The following IGF1R variants were observed in gnomAD, a reference collection of about 807,000 sequenced individuals.
The protein encoded by IGF1R is insulin-like growth factor 1 receptor.
In IGF1R, 44 loss-of-function variants were observed where a neutral mutation model predicts 144.6. The ratio of observed to expected loss-of-function variants is 0.30; its 90% confidence interval spans 0.24 to 0.39. IGF1R has a LOEUF of 0.39. Ranked by LOEUF, IGF1R falls within the 10% of genes least tolerant of loss-of-function variation. The probability of loss-of-function intolerance (pLI) is 1.00; values close to 1 mark genes in which losing one functional copy is unlikely to be tolerated. For synonymous variants in IGF1R, 795 were observed against 722.8 expected, an observed-to-expected ratio of 1.10 and a Z score of -1.60; for missense variants, 1,355 against 1,833.7, an observed-to-expected ratio of 0.74 and a Z score of 4.77.
intron 2 of IGF1R, among the ~76,000 whole-genome samples, chr15:98,862,396 C>G (rs934821539): frequency 2.0e-5 from 3 of 152,178 alleles, no homozygotes; most frequent in African/African-American, 7.2e-5. Context: ...TTGCACCTCG[C>G]TGGAAGACAA....
intron 2 of IGF1R, among the ~76,000 whole-genome samples, chr15:98,786,188 G>A (rs2055990751): frequency 6.6e-6 from 1 of 152,170 alleles, no homozygotes. Flanking sequence ...TGACCTCAGT[G>A]CAGGTTTTGT....
chr15:98,697,427 T>G (rs2053619793), intron 1 of IGF1R, among the ~76,000 whole-genome samples: 1 of 152,156 alleles, frequency 6.6e-6, no homozygotes, highest in Non-Finnish European at 1.5e-5. Flanking sequence ...CCCATTTCCC[T>G]GGGGAGTCAG....
chr15:98,897,377 T>A (rs1408178071), intron 4 of IGF1R: 1 of 181,596 alleles, frequency 5.5e-6, no homozygotes, highest in Non-Finnish European at 1.2e-5. Flanking sequence ...AATGCTAGAT[T>A]TCCAAATTTA....
At chr15:98,873,115 T>G (rs1482271622) in intron 2 of IGF1R, among the ~76,000 whole-genome samples, 2 of 152,168 alleles carry the variant, frequency 1.3e-5, no homozygotes, top group African/African-American at 4.8e-5. Flanking sequence ...AAGGTAAAGC[T>G]GCTCCAGTGG....
At chr15:98,669,919 T>C (rs1338451448) in intron 1 of IGF1R, among the ~76,000 whole-genome samples, 4 of 152,124 alleles carry the variant, frequency 2.6e-5, no homozygotes, top group Non-Finnish European at 4.4e-5. Context: ...TGGATTCGGC[T>C]ACAGTGGGCG....
chr15:98,680,288 A>T (rs1453871605), intron 1 of IGF1R, among the ~76,000 whole-genome samples: 3 of 149,578 alleles, frequency 2.0e-5, no homozygotes, highest in East Asian at 2.0e-4. Flanking sequence ...TTTTTTTGAG[A>T]CAGAGTCTCG....
intron 2 of IGF1R, among the ~76,000 whole-genome samples, chr15:98,828,818 T>C (rs777706630): frequency 5.8e-4 from 88 of 151,940 alleles, no homozygotes; most frequent in Non-Finnish European, 1.1e-3. Context: ...TTTGGGTTTT[T>C]TAAGCCTAGG....
chr15:98,650,838 G>A (rs1184104174), intron 1 of IGF1R: 1 of 900,544 alleles, frequency 1.1e-6, no homozygotes, highest in Non-Finnish European at 1.3e-6. Context: ...CTCCACATTC[G>A]CTGTCTTTTG....
At chr15:98,745,148 T>G (rs2054833154) in intron 2 of IGF1R, among the ~76,000 whole-genome samples, 1 of 152,260 alleles carries the variant, frequency 6.6e-6, no homozygotes, top group Non-Finnish European at 1.5e-5. Context: ...GAGAAGGAAG[T>G]CATGCTTCTC....
At chr15:98,795,707 C>G (rs115689130) in intron 2 of IGF1R, among the ~76,000 whole-genome samples, 1 of 152,182 alleles carries the variant, frequency 6.6e-6, no homozygotes, top group South Asian at 2.1e-4. Flanking sequence ...TGAGCCACTG[C>G]GCCTATTATG....
At chr15:98,665,243 G>T (rs569691382) in intron 1 of IGF1R, among the ~76,000 whole-genome samples, 2 of 152,116 alleles carry the variant, frequency 1.3e-5, no homozygotes, top group South Asian at 4.1e-4. Context: ...GAGCCACCGC[G>T]CCCGGCAGGA....
At chr15:98,821,846 G>A (rs1165081629) in intron 2 of IGF1R, among the ~76,000 whole-genome samples, 1 of 143,400 alleles carries the variant, frequency 7.0e-6, no homozygotes, top group Non-Finnish European at 1.6e-5. Flanking sequence ...GACGTGGAGA[G>A]ACACACGGGT....
At chr15:98,838,914 T>G (rs1305598443) in intron 2 of IGF1R, among the ~76,000 whole-genome samples, 4 of 152,212 alleles carry the variant, frequency 2.6e-5, no homozygotes, top group Admixed American at 2.6e-4. Flanking sequence ...GGGATCCTGC[T>G]TTTGCTGGGA....
chr15:98,721,517 A>G (rs1396013317), intron 2 of IGF1R, among the ~76,000 whole-genome samples: 2 of 152,090 alleles, frequency 1.3e-5, no homozygotes, highest in South Asian at 2.1e-4. Flanking sequence ...GAGGAAGGGA[A>G]GGAGGAGGAG....
intron 2 of IGF1R, among the ~76,000 whole-genome samples, chr15:98,782,370 C>A (rs1187534748): frequency 6.6e-6 from 1 of 151,924 alleles, no homozygotes; most frequent in Admixed American, 6.6e-5. Context: ...GTTTTTTTTA[C>A]AATGAAAATA....
chr15:98,911,874 G>GTC (rs942161239), intron 7 of IGF1R, among the ~76,000 whole-genome samples: 14 of 152,172 alleles, frequency 9.2e-5, no homozygotes, highest in African/African-American at 2.6e-4. Flanking sequence ...TCTTATTCCT[G>GTC]TCTCTCTCTC....
intron 2 of IGF1R, among the ~76,000 whole-genome samples, chr15:98,808,617 A>G (rs980722871): frequency 1.3e-5 from 2 of 152,000 alleles, no homozygotes; most frequent in Admixed American, 1.3e-4. Flanking sequence ...TGAGGTGCCT[A>G]TAGTCGTGTG....
At chr15:98,884,840 T>C (rs1255445066) in intron 2 of IGF1R, among the ~76,000 whole-genome samples, 5 of 152,130 alleles carry the variant, frequency 3.3e-5, no homozygotes, top group Non-Finnish European at 7.3e-5. Flanking sequence ...CTGCTTAAAA[T>C]AGTATTTTTC....
chr15:98,662,446 TGTGGAAGGGGAGTGGGA>T lies in IGF1R; in HGVS notation c.94+12780_94+12796del, dbSNP rs1234430276. On this transcript the variant is annotated intron_variant, in intron 1 of 20. Coordinates refer to ENST00000650285, the MANE Select transcript of IGF1R (RefSeq NM_000875.5). ...ACTGGTTCAAGGTCATGTCCCTATCTGTGGAAGGGGAGTGGGAGTGGAAGGTGAGTGGTGACAGAGTA... is the reference window on the plus strand; with the variant it reads ...ACTGGTTCAAGGTCATGTCCCTATCTGTGGAAGGTGAGTGGTGACAGAGTA... Among the ~76,000 whole-genome samples the T allele has an allele frequency of 2.0e-5, 3 of 152,088 alleles. No individual in the cohort carries two copies. The East Asian group carries it at 5.8e-4, about 29-fold the overall frequency.
Sources: allele counts gnomAD v4.1 joint callset (sites outside exome capture counted in the v4.1 genomes callset), GRCh38; gene constraint gnomAD v4.1.1; transcripts MANE v1.5; gene names NCBI Gene and HGNC (gene_info 2026-07-23, HGNC 2026-07-21).